ING5: variants seen among roughly 807,000 people sequenced by gnomAD.
ING5 encodes inhibitor of growth protein 5.
ING5 carries 17 observed loss-of-function variants against 37.4 expected under a neutral mutation model. The observed-to-expected ratio is 0.45, with a 90% CI of 0.31 to 0.68. ING5 has a LOEUF of 0.68. ING5 is among the 30% of genes least tolerant of loss of function. The probability of loss-of-function intolerance (pLI) is 0.05; values close to 1 mark genes in which losing one functional copy is unlikely to be tolerated. For synonymous variants in ING5, 123 were observed against 116.6 expected, an observed-to-expected ratio of 1.06 and a Z score of -0.36; for missense variants, 233 against 311.9, an observed-to-expected ratio of 0.75 and a Z score of 1.91.
In ING5 at chr2:241,694,810, A is replaced by G. The variant is rs556691202; in HGVS notation, c.43+4157A>G. 1.0e-3 allele frequency among the ~76,000 whole-genome samples: 144 copies of G among 143,180 alleles called. 1 individual carries two copies. The highest frequency in any genetic ancestry group is 3.6e-3 in the African/African-American group (139 of 38,210). 93.9% of individuals were successfully genotyped at this position (143,180 alleles called of 152,430 possible). A position where few individuals can be genotyped will look rare whatever the true frequency, so the allele number is the denominator to read the frequency against. The stretch of plus-strand genomic sequence containing the variant: ...GAGGCGAGTGGATGATGAGGTCAGG[A>G]GTTCGAGACCAGCCTGGCCAACATA... On this transcript the variant is annotated intron_variant, in intron 2 of 7. Coordinates refer to the ING5 transcript ENST00000636051.
intron 5 of ING5, chr2:241,722,055 G>C (rs2070448680): frequency 1.0e-6 from 1 of 985,320 alleles, no homozygotes; most frequent in South Asian, 4.7e-5. Context: ...AGTGTGTGGG[G>C]AGCTGCTGGT....
upstream of ING5, among the ~76,000 whole-genome samples, chr2:241,697,372 T>G (rs1304684740): frequency 3.3e-5 from 5 of 150,106 alleles, no homozygotes; most frequent in Non-Finnish European, 5.9e-5. Flanking sequence ...GAGGCGGAGC[T>G]TGCAGTGAGC....
At position 241,721,392 on chromosome 2, in the gene ING5, A is replaced by G. The variant is rs892912899; in HGVS notation, c.483-1547A>G. The G allele has an allele frequency of 4.3e-5, 42 of 985,360 alleles. No individual in the cohort carries two copies. In the African/African-American group the frequency reaches 6.3e-4, roughly 15 times the overall value. 61.0% of individuals were successfully genotyped at this position (985,360 alleles called of 1,614,324 possible). ...CCTGTCTATTCCCAGACAGAGAGAA[A>G]GAGCAGAAGAGCAGATTACCTGCAA... is the stretch of plus-strand genomic sequence containing the variant. On this transcript the variant is annotated intron_variant, in intron 5 of 7. Coordinates refer to ENST00000313552, the MANE Select transcript of ING5 (RefSeq NM_032329.6).
intron 2 of ING5, among the ~76,000 whole-genome samples, chr2:241,706,255 A>C (rs1437382788): frequency 6.6e-6 from 1 of 151,932 alleles, no homozygotes; most frequent in Non-Finnish European, 1.5e-5. Context: ...TGAATCTTAA[A>C]TGTCTTCTTT....
Position 241,725,726 on chromosome 2 carries a change from C to G in ING5, c.*695C>G, listed in dbSNP as rs1455000358. ...CCGCAGGTCCCGTGACCAGCACCCG[C>G]GAGACCCTGTGCGACAGCTGGGCTG... is the stretch of plus-strand genomic sequence containing the variant. On this transcript the variant is annotated 3_prime_UTR_variant, in exon 8 of 8. Transcript: ENST00000313552. 2 of 152,612 alleles carry G rather than the reference C, an allele frequency of 1.3e-5. No individual in the cohort carries two copies. Among genetic ancestry groups the G allele is most frequent in the African/African-American group, 4.8e-5 (2 of 41,452 alleles). The allele number at this position is 152,612 out of a possible 1,614,324, so 9.5% of individuals were successfully genotyped here.
exon 1 of ING5, chr2:241,688,004 A>C (rs2069476262): frequency 6.6e-6 from 1 of 152,204 alleles, no homozygotes; most frequent in African/African-American, 2.4e-5. Context: ...GTATCTAGAA[A>C]GCGCTCAGTA....
intron 2 of ING5, among the ~76,000 whole-genome samples, chr2:241,705,045 G>A (rs1381125135): frequency 6.6e-6 from 1 of 152,020 alleles, no homozygotes; most frequent in African/African-American, 2.4e-5. Flanking sequence ...TTAAAAGTTT[G>A]GTAGTACTTT....
intron 7 of ING5, chr2:241,723,957 C>A: frequency 1.6e-6 from 2 of 1,257,518 alleles, no homozygotes; most frequent in South Asian, 1.4e-5. Context: ...CTTCAGTGAG[C>A]TGAGATCGCG....
chr2:241,697,890 C>T (rs371025857), upstream of ING5, among the ~76,000 whole-genome samples: 23 of 151,906 alleles, frequency 1.5e-4, no homozygotes, highest in African/African-American at 5.3e-4. Context: ...TGAAACCAGC[C>T]TGGCCAACAG....
At chr2:241,705,698 G>A (rs1484109547) in intron 2 of ING5, among the ~76,000 whole-genome samples, 11 of 152,144 alleles carry the variant, frequency 7.2e-5, no homozygotes, top group Admixed American at 5.2e-4. Context: ...GAGCCACCGC[G>A]CCCGGCCCTT....
Position 241,728,811 on chromosome 2 carries a change from G to T in ING5, c.*3780G>T, listed in dbSNP as rs1274735347. The T allele has an allele frequency of 6.6e-6, 1 of 152,358 alleles. No homozygotes were observed. The highest frequency in any genetic ancestry group is 6.5e-5 in the Admixed American group (1 of 15,290). 9.4% of individuals were successfully genotyped at this position (152,358 alleles called of 1,614,324 possible). Reference sequence around the variant, plus strand: ...TCACTGTTGGCCAGGGCTTTGTGGCGTGGGTGTTTTCCAGTCTGCCTGGAG... The same window carrying T: ...TCACTGTTGGCCAGGGCTTTGTGGCTTGGGTGTTTTCCAGTCTGCCTGGAG... On this transcript the variant is annotated 3_prime_UTR_variant, in exon 8 of 8. Coordinates refer to ENST00000313552, the MANE Select transcript of ING5 (RefSeq NM_032329.6).
At chr2:241,698,839 C>T (rs1379886380), upstream of ING5, among the ~76,000 whole-genome samples, 1 of 152,036 alleles carries the variant, frequency 6.6e-6, no homozygotes, top group Non-Finnish European at 1.5e-5. Context: ...AGTGATTCTC[C>T]TGCCTCACCT....
intron 2 of ING5, among the ~76,000 whole-genome samples, chr2:241,705,606 C>T (rs930142482): frequency 6.6e-6 from 1 of 151,740 alleles, no homozygotes; most frequent in Non-Finnish European, 1.5e-5. Context: ...ACCATGTTCA[C>T]CATGTTAGCC....
intron 3 of ING5, among the ~76,000 whole-genome samples, chr2:241,709,853 C>T (rs1285133004): frequency 3.3e-5 from 5 of 152,054 alleles, no homozygotes; most frequent in African/African-American, 4.8e-5. Flanking sequence ...GTGATCCACT[C>T]GCCTCAGCCT....
At chr2:241,700,751 G>A (rs1176852823), upstream of ING5, among the ~76,000 whole-genome samples, 1 of 151,924 alleles carries the variant, frequency 6.6e-6, no homozygotes, top group African/African-American at 2.4e-5. Context: ...CTCAGTCTCC[G>A]AGTAGCTGGG....
chr2:241,723,380 A>G, intron 7 of ING5, 109 bp downstream of exon 7: 1 of 1,220,370 alleles, frequency 8.2e-7, no homozygotes. Flanking sequence ...GCTTAGCGGG[A>G]CACGGTAGCC....
At chr2:241,717,068 G>C (rs2070294358) in intron 5 of ING5, among the ~76,000 whole-genome samples, 1 of 151,622 alleles carries the variant, frequency 6.6e-6, no homozygotes, top group South Asian at 2.1e-4. Flanking sequence ...GCCATTTCTG[G>C]TAACCTTCAT....
intron 4 of ING5, among the ~76,000 whole-genome samples, 178 bp from the exon 5 acceptor site, chr2:241,711,800 C>G (rs2070120216): frequency 6.6e-6 from 1 of 152,124 alleles, no homozygotes; most frequent in South Asian, 2.1e-4. Flanking sequence ...ACTCGGGAGG[C>G]TGAGGTGGGT....
chr2:241,713,537 A>G (rs1020067222), intron 5 of ING5, among the ~76,000 whole-genome samples: 1 of 149,292 alleles, frequency 6.7e-6, no homozygotes, highest in African/African-American at 2.5e-5. Flanking sequence ...CACCCAGCCA[A>G]TTTTTTTTTA....
Sources: allele counts gnomAD v4.1 joint callset (sites outside exome capture counted in the v4.1 genomes callset), GRCh38; gene constraint gnomAD v4.1.1; transcripts MANE v1.5; gene names NCBI Gene and HGNC (gene_info 2026-07-23, HGNC 2026-07-21).